The following HSPH1 variants were observed in gnomAD, a reference collection of about 807,000 sequenced individuals.
The protein encoded by HSPH1 is heat shock protein 105 kDa.
In HSPH1, 40 loss-of-function variants were observed where a neutral mutation model predicts 100.0. That is an observed-to-expected ratio of 0.40 (90% CI 0.31 to 0.52). HSPH1 has a LOEUF of 0.52. Among genes scored for constraint, HSPH1 ranks in the 20% least tolerant of loss-of-function variants. HSPH1 has a pLI of 0.54. For synonymous variants in HSPH1, 403 were observed against 344.0 expected (o/e 1.17, Z -1.90); for missense variants, 876 against 1,015.1 (o/e 0.86, Z 1.86).
At chr13:31,149,883 C>T (rs2137598249) in intron 8 of HSPH1, 71 bp downstream of exon 8, 1 of 1,219,636 alleles carries the variant, frequency 8.2e-7, no homozygotes, top group Admixed American at 1.7e-5. Context: ...GTTTATTATC[C>T]CACCATGACG....
chr13:31,161,010 C>G (rs1301963703), intron 1 of HSPH1, among the ~76,000 whole-genome samples: 1 of 152,224 alleles, frequency 6.6e-6, no homozygotes. Context: ...CCGGCAGCCC[C>G]GCTCCGCGGT....
intron 11 of HSPH1, 94 bp downstream of exon 11, chr13:31,145,469 A>G (rs1956234912): frequency 3.4e-6 from 3 of 882,964 alleles, no homozygotes; most frequent in Non-Finnish European, 1.7e-6. Context: ...TTCATGAAGG[A>G]AAACATTCAT....
rs1228638749 is a variant in HSPH1 at position 31,135,737 on chromosome 13, C to A, written c.*1581G>T. 1 of 152,214 alleles carries A rather than the reference C, an allele frequency of 6.6e-6. No individual in the cohort carries two copies. Among genetic ancestry groups the A allele is most frequent in the East Asian group, 1.9e-4 (1 of 5,204 alleles). 9.4% of individuals were successfully genotyped at this position (152,214 alleles called of 1,614,324 possible). On this transcript the variant is annotated 3_prime_UTR_variant, in exon 18 of 18. Transcript: ENST00000320027. The stretch of plus-strand genomic sequence containing the variant: ...TCAGAGCTGAGGAAATAAACCTCAG[C>A]AGTCAAGTGTTACTAAACCTCATAG...
chr13:31,158,764 T>TC (rs760762423), intron 2 of HSPH1, 42 bp downstream of exon 2: 7 of 1,267,786 alleles, frequency 5.5e-6, no homozygotes, highest in South Asian at 3.6e-5. Context: ...TTTTAAAAAC[T>TC]CCCCCCTTAA....
intron 16 of HSPH1, 24 bp downstream of exon 16, chr13:31,138,757 C>G: frequency 6.3e-7 from 1 of 1,592,880 alleles, no homozygotes; most frequent in Non-Finnish European, 8.5e-7. Context: ...AACTTCCTCC[C>G]TATGTACAAA....
At position 31,139,119 on chromosome 13, in the gene HSPH1, A is replaced by T; in HGVS notation, c.1981-12T>A. 6.8e-7 allele frequency: 1 copy of T among 1,478,714 alleles called. No homozygotes were observed. Among genetic ancestry groups the T allele is most frequent in the South Asian group, 1.1e-5 (1 of 88,268 alleles). 91.6% of individuals were successfully genotyped at this position (1,478,714 alleles called of 1,614,324 possible). Reference sequence around the variant, plus strand: ...AAATTTTGATGATCCTTAACACAAAATATGACAATATTAGTGGCACTCGTA... The same window carrying T: ...AAATTTTGATGATCCTTAACACAAATTATGACAATATTAGTGGCACTCGTA... On this transcript the variant is annotated splice_polypyrimidine_tract_variant and intron_variant, in intron 14 of 17. Coordinates refer to ENST00000320027, the MANE Select transcript of HSPH1 (RefSeq NM_006644.4).
At chr13:31,152,677 G>A (rs1456330971) in intron 5 of HSPH1, 175 bp downstream of exon 5, 10 of 464,064 alleles carry the variant, frequency 2.2e-5, no homozygotes, top group Non-Finnish European at 3.9e-5. Flanking sequence ...TCATAAGTTT[G>A]ATAAAATACC....
chr13:31,162,320 G>C, upstream of HSPH1: 1 of 585,392 alleles, frequency 1.7e-6, no homozygotes, highest in East Asian at 2.8e-5. Flanking sequence ...CCAGACACCG[G>C]GATGGTGGGG....
Position 31,152,916 on chromosome 13 carries a change from A to G in HSPH1, c.465T>C (p.Ser155=). The G allele has an allele frequency of 6.2e-7, 1 of 1,612,680 alleles. No individual in the cohort carries two copies. Among genetic ancestry groups the G allele is most frequent in the Non-Finnish European group, 8.5e-7 (1 of 1,178,926 alleles). Reference sequence around the variant, plus strand: ...CAACAATCTGTGCAGCATCTAACACAGATCGCCTCTCAGCATCTGTAAAGA... The same window carrying G: ...CAACAATCTGTGCAGCATCTAACACGGATCGCCTCTCAGCATCTGTAAAGA... The part of the protein sequence containing the change: ...PSFFTDAERR[S]VLDAAQIVGL... The change falls in exon 5 of 18, where the codon TCT becomes TCC. Residue 155 remains serine, a synonymous_variant. Transcript: ENST00000320027.
chr13:31,160,351 A>T (rs930838953), intron 1 of HSPH1, among the ~76,000 whole-genome samples: 1 of 152,338 alleles, frequency 6.6e-6, no homozygotes, highest in African/African-American at 2.4e-5. Flanking sequence ...ACATTGCCAA[A>T]TATTTTGCCT....
intron 6 of HSPH1, 73 bp from the exon 7 acceptor site, chr13:31,151,264 A>C: frequency 1.6e-6 from 2 of 1,228,288 alleles, no homozygotes. Flanking sequence ...AAATATTACT[A>C]CTCAAACAAT....
At chr13:31,160,194 A>C (rs1041740354) in intron 1 of HSPH1, among the ~76,000 whole-genome samples, 7 of 152,214 alleles carry the variant, frequency 4.6e-5, no homozygotes, top group African/African-American at 1.7e-4. Context: ...ACCAGAACAA[A>C]GTATAAACTG....
intron 3 of HSPH1, 108 bp from the exon 4 acceptor site, chr13:31,154,863 T>C: frequency 1.1e-6 from 1 of 947,284 alleles, no homozygotes; most frequent in Non-Finnish European, 1.5e-6. Context: ...ATCTTTATTT[T>C]ATTGTTGTAG....
chr13:31,154,331 T>C (rs776050686), intron 4 of HSPH1: 32 of 389,308 alleles, frequency 8.2e-5, no homozygotes, highest in Non-Finnish European at 1.4e-4. Flanking sequence ...CTGTGTTAAA[T>C]GTACAAGCCT....
intron 4 of HSPH1, chr13:31,154,170 T>C (rs746167216): frequency 1.0e-5 from 2 of 198,716 alleles, no homozygotes; most frequent in South Asian, 1.7e-4. Context: ...AAGTACCCTT[T>C]GATAGTCTAA....
At chr13:31,157,266 T>C (rs1956732793) in intron 2 of HSPH1, among the ~76,000 whole-genome samples, 1 of 152,214 alleles carries the variant, frequency 6.6e-6, no homozygotes, top group African/African-American at 2.4e-5. Flanking sequence ...GTCTAGGCTA[T>C]CAATATCCTC....
intron 3 of HSPH1, 64 bp downstream of exon 3, chr13:31,155,450 A>G: frequency 7.4e-7 from 1 of 1,343,732 alleles, no homozygotes; most frequent in Non-Finnish European, 1.0e-6. Flanking sequence ...TAATAACTCA[A>G]ATAAGTTCGT....
Position 31,137,416 on chromosome 13 carries a change from C to G in HSPH1, c.2479G>C (p.Asp827His), listed in dbSNP as rs1398345272. 1.2e-6 allele frequency: 2 copies of G among 1,613,420 alleles called. No individual in the cohort carries two copies. Among genetic ancestry groups the G allele is most frequent in the South Asian group, 2.2e-5 (2 of 91,032 alleles). Reference protein sequence around the residue: ...NGPNIDKKEEDLEDKNNFGAE... With the variant: ...NGPNIDKKEEHLEDKNNFGAE... ...CCAAAATTGTTTTTGTCTTCTAAAT[C>G]TTCTTCCTTTTTATCAATATTTGGG... Residue 827 changes from aspartate to histidine, a missense_variant, in exon 18 of 18, where the codon GAT (aspartate) becomes CAT (histidine). Physicochemically the swap from Asp to His is moderately conservative, Grantham distance 81. Coordinates refer to ENST00000320027, the MANE Select transcript of HSPH1 (RefSeq NM_006644.4).
At position 31,150,100 on chromosome 13, in the gene HSPH1, T is replaced by G. The variant is rs1290439803; in HGVS notation, c.991A>C (p.Lys331Gln). The G allele has an allele frequency of 6.2e-7, 1 of 1,613,554 alleles. No homozygotes were observed. The highest frequency in any genetic ancestry group is 8.5e-7 in the Non-Finnish European group (1 of 1,179,648). The change falls in exon 8 of 18, where the codon AAA becomes CAA. Residue 331 changes from lysine to glutamine, a missense_variant. Transcript: ENST00000320027. ...TCAACTGCACTCACATCTTCTACTT[T>G]GAGATGAGTTTGTTCCAACAGTGAA... ...LYSLLEQTHLKVEDVSAVEIV... is the reference protein window; with the variant it reads ...LYSLLEQTHLQVEDVSAVEIV...
Sources: gnomAD v4.1 joint callset for allele counts (sites outside exome capture counted in the v4.1 genomes callset) on GRCh38, gnomAD v4.1.1 for gene constraint, MANE v1.5 for transcripts, NCBI Gene and HGNC (gene_info 2026-07-23, HGNC 2026-07-21) for gene names.